SLC25A21: variants seen among roughly 807,000 people sequenced by gnomAD.
SLC25A21 encodes mitochondrial 2-oxodicarboxylate carrier.
SLC25A21 carries 47 observed loss-of-function variants against 43.8 expected under a neutral mutation model. The ratio of observed to expected loss-of-function variants is 1.07; its 90% CI spans 0.85 to 1.37. The LOEUF is 1.37. Ranked by LOEUF, SLC25A21 falls within the 40% of genes most tolerant of loss-of-function variation. The pLI is 0.00. For missense variants in SLC25A21, 352 were observed against 350.2 expected, an observed-to-expected ratio of 1.00 and a Z score of -0.04; for synonymous variants, 131 against 121.3, an observed-to-expected ratio of 1.08 and a Z score of -0.52.
intron 1 of SLC25A21, among the ~76,000 whole-genome samples, chr14:37,169,090 T>C (rs1474193420): frequency 2.6e-5 from 4 of 152,038 alleles, no homozygotes; most frequent in Non-Finnish European, 5.9e-5. Context: ...GTGGCTGTGG[T>C]TTAGAGGTAG....
intron 2 of SLC25A21, among the ~76,000 whole-genome samples, chr14:36,824,083 T>C (rs1408031520): frequency 6.6e-6 from 1 of 152,182 alleles, no homozygotes; most frequent in Non-Finnish European, 1.5e-5. Context: ...TTGGAGAATA[T>C]GGCGTCTCTG....
chr14:36,694,038 T>A (rs554593405), intron 7 of SLC25A21, among the ~76,000 whole-genome samples: 1,660 of 152,240 alleles, frequency 0.011, 26 homozygotes, highest in Non-Finnish European at 0.012. Flanking sequence ...CATTAGGTAT[T>A]TGTCCTAATG....
At chr14:36,716,202 G>C (rs748016556) in intron 6 of SLC25A21, among the ~76,000 whole-genome samples, 1 of 151,980 alleles carries the variant, frequency 6.6e-6, no homozygotes. Context: ...AAACAAAAAA[G>C]GTCAAATATA....
intron 2 of SLC25A21, among the ~76,000 whole-genome samples, chr14:36,828,085 C>T (rs848062): frequency 0.96 from 145,996 of 152,208 alleles, 70,311 homozygotes; most frequent in East Asian, 1. Flanking sequence ...TGGTTTATGA[C>T]GAGATCATGT....
intron 1 of SLC25A21, among the ~76,000 whole-genome samples, chr14:36,981,848 A>C (rs760538184): frequency 1.9e-4 from 29 of 152,260 alleles, no homozygotes; most frequent in Admixed American, 4.6e-4. Flanking sequence ...AATAAAAATA[A>C]AATTAAATTA....
intron 2 of SLC25A21, among the ~76,000 whole-genome samples, chr14:36,836,466 C>T (rs987015193): frequency 2.6e-5 from 4 of 152,138 alleles, no homozygotes; most frequent in Non-Finnish European, 5.9e-5. Context: ...TAGAATTGAG[C>T]CCATGGTGTC....
rs562168877 is a variant in SLC25A21 at position 36,831,775 on chromosome 14, G to A, written c.120-17774C>T. On this transcript the variant is annotated intron_variant, in intron 2 of 9. Transcript: ENST00000331299. ...CAAACATTCTTTTATAAGATGCATCGAACCTCAGAATGAAGATGTCATGCC... is the reference window on the plus strand; with the variant it reads ...CAAACATTCTTTTATAAGATGCATCAAACCTCAGAATGAAGATGTCATGCC... Among the ~76,000 whole-genome samples the A allele has an allele frequency of 3.3e-4, 50 of 152,164 alleles. No individual in the cohort carries two copies. In the South Asian group the frequency reaches 8.9e-3, roughly 27 times the overall value.
At chr14:36,953,026 C>A (rs796985058) in intron 1 of SLC25A21, among the ~76,000 whole-genome samples, 4 of 152,182 alleles carry the variant, frequency 2.6e-5, no homozygotes, top group Non-Finnish European at 5.9e-5. Context: ...TGCTATTCTA[C>A]CTCTGCCTCT....
At chr14:36,937,055 G>A (rs1303635437) in intron 1 of SLC25A21, among the ~76,000 whole-genome samples, 2 of 152,200 alleles carry the variant, frequency 1.3e-5, no homozygotes, top group Admixed American at 6.5e-5. Context: ...CAGATGGCTT[G>A]CTAAATATTT....
At chr14:37,040,610 G>T (rs1053654246) in intron 1 of SLC25A21, among the ~76,000 whole-genome samples, 33 of 151,782 alleles carry the variant, frequency 2.2e-4, no homozygotes, top group African/African-American at 7.7e-4. Flanking sequence ...AATAAAAAAT[G>T]ACATAATTAA....
At chr14:37,134,918 T>G (rs1008840057) in intron 1 of SLC25A21, among the ~76,000 whole-genome samples, 1 of 147,816 alleles carries the variant, frequency 6.8e-6, no homozygotes, top group African/African-American at 2.5e-5. Flanking sequence ...CATAGCAAAA[T>G]CTCATCTCTA....
Position 37,064,736 on chromosome 14 carries a change from T to C in SLC25A21, c.70+107545A>G, listed in dbSNP as rs576332167. Among the ~76,000 whole-genome samples the C allele has an allele frequency of 1.1e-4, 16 of 152,316 alleles. No homozygotes were observed. In the East Asian group the frequency reaches 3.1e-3, roughly 29 times the overall value. On this transcript the variant is annotated intron_variant, in intron 1 of 9. Coordinates refer to ENST00000331299, the MANE Select transcript of SLC25A21 (RefSeq NM_030631.4). ...CTCAATTGGTTTACTGTACTGCTCATTCTGTCCCTTATCCTATTTCACTTC... is the reference window on the plus strand; with the variant it reads ...CTCAATTGGTTTACTGTACTGCTCACTCTGTCCCTTATCCTATTTCACTTC...
intron 1 of SLC25A21, among the ~76,000 whole-genome samples, chr14:36,885,491 T>C (rs1271588301): frequency 6.6e-6 from 1 of 152,222 alleles, no homozygotes; most frequent in Non-Finnish European, 1.5e-5. Context: ...TTTCTATTTC[T>C]GTGGAAATTA....
At chr14:37,095,828 A>G (rs1177979610) in intron 1 of SLC25A21, among the ~76,000 whole-genome samples, 1 of 40,258 alleles carries the variant, frequency 2.5e-5, no homozygotes, top group Non-Finnish European at 9.3e-5. Flanking sequence ...GCACACACAC[A>G]CACACACACA....
Position 37,077,951 on chromosome 14 carries a change from A to T in SLC25A21, c.70+94330T>A, listed in dbSNP as rs903340506. Among the ~76,000 whole-genome samples the T allele has an allele frequency of 7.6e-4, 115 of 152,312 alleles. 1 individual carries two copies. The highest frequency in any genetic ancestry group is 2.3e-3 in the African/African-American group (94 of 41,582). On this transcript the variant is annotated intron_variant, in intron 1 of 9. Transcript: ENST00000331299. ...CTATAGACATTTTAAAAATTTTTTT[A>T]AAATTTTTAAACGAAAGACATTTCT...
intron 1 of SLC25A21, 134 bp downstream of exon 1, chr14:37,172,147 G>T: frequency 2.2e-6 from 2 of 923,584 alleles, no homozygotes; most frequent in Non-Finnish European, 3.2e-6. Context: ...AGGGGCTCAA[G>T]CACTGCTCCG....
intron 3 of SLC25A21, among the ~76,000 whole-genome samples, chr14:36,786,662 A>T (rs891242233): frequency 6.6e-6 from 1 of 152,156 alleles, no homozygotes; most frequent in African/African-American, 2.4e-5. Flanking sequence ...TTTTCTCTTG[A>T]AGCAAAGAGG....
intron 1 of SLC25A21, among the ~76,000 whole-genome samples, chr14:36,959,078 T>G (rs1048494174): frequency 6.6e-6 from 1 of 152,154 alleles, no homozygotes; most frequent in African/African-American, 2.4e-5. Flanking sequence ...AGTGCAAATG[T>G]CTTATGGAGG....
chr14:37,075,968 G>A (rs1311370468), intron 1 of SLC25A21, among the ~76,000 whole-genome samples: 1 of 152,184 alleles, frequency 6.6e-6, no homozygotes, highest in Non-Finnish European at 1.5e-5. Context: ...AAATGATGAG[G>A]GCCAGCGGAA....
Sources: allele counts gnomAD v4.1 joint callset (sites outside exome capture counted in the v4.1 genomes callset), GRCh38; gene constraint gnomAD v4.1.1; transcripts MANE v1.5; gene names NCBI Gene and HGNC (gene_info 2026-07-23, HGNC 2026-07-21).